Variants in TOX2 observed in about 807,000 individuals in gnomAD.
The protein encoded by TOX2 is granulosa cell HMG box 1.
A neutral mutation model predicts 47.4 loss-of-function variants in TOX2; 15 were observed. The observed-to-expected ratio is 0.32, with a 90% CI of 0.21 to 0.49. The LOEUF is 0.49. Among genes scored for constraint, TOX2 ranks in the 20% least tolerant of loss-of-function variants. The pLI is 0.99. For synonymous variants in TOX2, 290 were observed against 296.6 expected, an observed-to-expected ratio of 0.98 and a Z score of 0.23; for missense variants, 622 against 673.1, an observed-to-expected ratio of 0.92 and a Z score of 0.84.
At chr20:43,965,488 T>C (rs1027860957) in intron 1 of TOX2, among the ~76,000 whole-genome samples, 2 of 152,178 alleles carry the variant, frequency 1.3e-5, no homozygotes, top group Non-Finnish European at 2.9e-5. Context: ...CCCTGTCACA[T>C]AGTAAGCACG....
At position 44,064,853 on chromosome 20, in the gene TOX2, C is replaced by T. The variant is rs987434509; in HGVS notation, c.956C>T (p.Ser319Phe). Residue 319 changes from serine to phenylalanine, a missense_variant, in exon 6 of 9, where the codon TCC (serine) becomes TTC (phenylalanine). Transcript: ENST00000341197. ...GCAGCCTACCGGGCTAGCCTCGTCT[C>T]CAAGGTAACACCCGGAATCTCCAGG... ...ALAAYRASLVSKSSPDQGETK... is the reference protein window; with the variant it reads ...ALAAYRASLVFKSSPDQGETK... 3 of 1,613,942 alleles carry T rather than the reference C, an allele frequency of 1.9e-6. No individual in the cohort carries two copies. Among genetic ancestry groups the T allele is most frequent in the Non-Finnish European group, 2.5e-6 (3 of 1,180,004 alleles).
At chr20:44,042,556 G>A (rs1043432237) in intron 3 of TOX2, among the ~76,000 whole-genome samples, 2 of 152,186 alleles carry the variant, frequency 1.3e-5, no homozygotes, top group African/African-American at 2.4e-5. Flanking sequence ...TAGCAAAAAG[G>A]CAATAATCAA....
chr20:43,976,450 G>T (rs1297689973), intron 2 of TOX2, among the ~76,000 whole-genome samples: 2 of 152,174 alleles, frequency 1.3e-5, no homozygotes, highest in African/African-American at 2.4e-5. Context: ...GTCCAGGCTT[G>T]AAATAAACAC....
intron 3 of TOX2, among the ~76,000 whole-genome samples, chr20:44,041,955 C>A (rs1022128770): frequency 1.3e-5 from 2 of 152,156 alleles, no homozygotes; most frequent in Non-Finnish European, 2.9e-5. Context: ...TACGGTGTAT[C>A]CATGTGATGA....
chr20:44,031,345 C>T (rs140555439), intron 3 of TOX2, among the ~76,000 whole-genome samples: 1 of 152,180 alleles, frequency 6.6e-6, no homozygotes, highest in Non-Finnish European at 1.5e-5. Context: ...CCACTTTCCC[C>T]GTTCACTGGA....
In TOX2 at chr20:44,066,085, G is replaced by A. The variant is rs762753461; in HGVS notation, c.1334G>A (p.Ser445Asn). 1.3e-6 allele frequency: 2 copies of A among 1,561,990 alleles called. No homozygotes were observed. The highest frequency in any genetic ancestry group is 2.3e-5 in the East Asian group (1 of 44,434). The change falls in exon 7 of 9, where the codon AGC becomes AAC. Residue 445 changes from serine (S) to asparagine (N), a missense_variant. Transcript: ENST00000341197. ...GCACTCCAGGTGCAGCTGGCGATGAGCCCCTCACCTCCAGGGCCACAGGTA... is the reference window on the plus strand; with the variant it reads ...GCACTCCAGGTGCAGCTGGCGATGAACCCCTCACCTCCAGGGCCACAGGTA... ...PMALQVQLAM[S>N]PSPPGPQDFP...
rs539169500 is a variant in TOX2 at position 44,006,564 on chromosome 20, C to T, written c.183C>T (p.Ser61=). Reference sequence around the variant, plus strand: ...TGTTTTAGACCTACAACGGCCAGAGCGAGAACAACGAAGACTATGAGATCC... The same window carrying T: ...TGTTTTAGACCTACAACGGCCAGAGTGAGAACAACGAAGACTATGAGATCC... ...LSTSQTYNGQ[S]ENNEDYEIPP... The change falls in exon 3 of 9, where the codon AGC becomes AGT. Residue 61 remains serine, a synonymous_variant. Coordinates refer to ENST00000341197, the MANE Select transcript of TOX2 (RefSeq NM_001098797.2). 1.5e-5 allele frequency: 25 copies of T among 1,613,318 alleles called. No homozygotes were observed. Among genetic ancestry groups the T allele is most frequent in the Admixed American group, 5.0e-5 (3 of 60,008 alleles).
chr20:43,924,451 G>A (rs2069143481), intron 1 of TOX2, among the ~76,000 whole-genome samples: 2 of 152,176 alleles, frequency 1.3e-5, no homozygotes, highest in South Asian at 4.1e-4. Flanking sequence ...TGTTAGGGAG[G>A]ACTCCAGATG....
chr20:44,065,645 C>A (rs1229474566), intron 6 of TOX2, 67 bp from the exon 7 acceptor site: 29 of 1,516,588 alleles, frequency 1.9e-5, no homozygotes, highest in Non-Finnish European at 2.6e-5. Flanking sequence ...AGCCTCCTGG[C>A]CTCACAGCCC....
chr20:44,009,640 C>T (rs533347059), intron 3 of TOX2, among the ~76,000 whole-genome samples: 1 of 152,208 alleles, frequency 6.6e-6, no homozygotes, highest in East Asian at 1.9e-4. Flanking sequence ...CTCCCACATG[C>T]TTAGCGTTTC....
chr20:43,940,135 G>C (rs887729454), intron 1 of TOX2, among the ~76,000 whole-genome samples: 1 of 152,128 alleles, frequency 6.6e-6, no homozygotes, highest in Admixed American at 6.5e-5. Flanking sequence ...GCTCAATCAG[G>C]AACCTTGAAA....
At chr20:44,058,015 T>TCC (rs1454975735) in intron 5 of TOX2, among the ~76,000 whole-genome samples, 8 of 152,182 alleles carry the variant, frequency 5.3e-5, no homozygotes, top group African/African-American at 1.7e-4. Context: ...CAGGACTAAC[T>TCC]TGCAGCTCCC....
intron 2 of TOX2, among the ~76,000 whole-genome samples, chr20:44,000,851 G>A (rs1159231191): frequency 6.6e-6 from 1 of 152,120 alleles, no homozygotes; most frequent in African/African-American, 2.4e-5. Context: ...AAGTGAAGAA[G>A]TTTGTTCCCA....
At chr20:43,979,934 T>TA (rs2070142351) in intron 2 of TOX2, among the ~76,000 whole-genome samples, 1 of 152,168 alleles carries the variant, frequency 6.6e-6, no homozygotes, top group Non-Finnish European at 1.5e-5. Context: ...GGTGGGAATG[T>TA]AAAATAGTAT....
intron 3 of TOX2, among the ~76,000 whole-genome samples, chr20:44,032,343 C>T (rs999800414): frequency 1.3e-5 from 2 of 152,224 alleles, no homozygotes; most frequent in Non-Finnish European, 2.9e-5. Context: ...GCCAGCTTCT[C>T]TGGCCTCTAC....
intron 3 of TOX2, among the ~76,000 whole-genome samples, chr20:44,016,523 G>A (rs1032355256): frequency 4.6e-5 from 7 of 152,130 alleles, no homozygotes; most frequent in Non-Finnish European, 8.8e-5. Flanking sequence ...ATGATTCTCT[G>A]TTATTGGGGG....
intron 1 of TOX2, among the ~76,000 whole-genome samples, chr20:43,969,720 G>A (rs777950930): frequency 6.6e-6 from 1 of 152,248 alleles, no homozygotes; most frequent in Non-Finnish European, 1.5e-5. Flanking sequence ...AGGCTCCAGG[G>A]CACTGTGCAA....
At chr20:43,951,366 G>C (rs188161989) in intron 1 of TOX2, among the ~76,000 whole-genome samples, 1 of 152,058 alleles carries the variant, frequency 6.6e-6, no homozygotes, top group African/African-American at 2.4e-5. Flanking sequence ...CTTGAGTACC[G>C]GAGTTCAAGA....
chr20:44,012,572 A>ATGCATTCTCCTCCCAGCTT (rs2070795151), intron 3 of TOX2, among the ~76,000 whole-genome samples: 1 of 152,174 alleles, frequency 6.6e-6, no homozygotes, highest in Non-Finnish European at 1.5e-5. Flanking sequence ...AGTGTCATTC[A>ATGCATTCTCCTCCCAGCTT]TGCATTCTCC....
Sources: gnomAD v4.1 joint callset for allele counts (sites outside exome capture counted in the v4.1 genomes callset) on GRCh38, gnomAD v4.1.1 for gene constraint, MANE v1.5 for transcripts, NCBI Gene and HGNC (gene_info 2026-07-23, HGNC 2026-07-21) for gene names.